Variants in NFKB1 observed in about 807,000 individuals in gnomAD.
The protein encoded by NFKB1 is nuclear factor NF-kappa-B p105 subunit.
A neutral mutation model predicts 105.1 loss-of-function variants in NFKB1; 9 were observed. The observed-to-expected ratio is 0.09, with a 90% CI of 0.05 to 0.15. The LOEUF (loss-of-function observed/expected upper bound fraction) is 0.15, where lower values mean the gene tolerates loss of function less well. NFKB1 is among the 10% of genes least tolerant of loss of function. NFKB1 has a pLI of 1.00. For synonymous variants in NFKB1, 440 were observed against 442.2 expected, an observed-to-expected ratio of 1.00 and a Z score of 0.06; for missense variants, 830 against 1,203.7, an observed-to-expected ratio of 0.69 and a Z score of 4.59.
chr4:102,602,605 G>T (rs1323537872), intron 16 of NFKB1, among the ~76,000 whole-genome samples: 1 of 151,874 alleles, frequency 6.6e-6, no homozygotes, highest in Non-Finnish European at 1.5e-5. Context: ...TTTACATGTG[G>T]CTCTTAATAG....
intron 5 of NFKB1, among the ~76,000 whole-genome samples, chr4:102,556,667 G>T (rs1346607311): frequency 2.6e-5 from 4 of 152,174 alleles, no homozygotes; most frequent in Non-Finnish European, 2.9e-5. Flanking sequence ...AAGGGCCTCA[G>T]ATTAAGTGGT....
At chr4:102,525,838 A>G (rs567421108) in intron 2 of NFKB1, among the ~76,000 whole-genome samples, 2 of 152,244 alleles carry the variant, frequency 1.3e-5, no homozygotes, top group South Asian at 4.1e-4. Flanking sequence ...ATCACCACAA[A>G]CCTGATGGCT....
intron 5 of NFKB1, among the ~76,000 whole-genome samples, chr4:102,558,641 C>T (rs1430729911): frequency 6.6e-6 from 1 of 152,030 alleles, no homozygotes; most frequent in African/African-American, 2.4e-5. Flanking sequence ...AAATCAATAT[C>T]CTCACTGTTT....
intron 6 of NFKB1, among the ~76,000 whole-genome samples, chr4:102,576,019 G>C (rs1358688652): frequency 3.3e-5 from 5 of 152,134 alleles, no homozygotes; most frequent in Admixed American, 6.5e-5. Flanking sequence ...TTATTGAATA[G>C]ACTTCTTTGT....
chr4:102,614,396 C>G (rs1203828467), intron 23 of NFKB1, among the ~76,000 whole-genome samples: 1 of 152,172 alleles, frequency 6.6e-6, no homozygotes, highest in Admixed American at 6.5e-5. Flanking sequence ...GACTAGGTCA[C>G]CTAGCAAGCA....
At chr4:102,526,170 G>A (rs926555790) in intron 2 of NFKB1, among the ~76,000 whole-genome samples, 4 of 152,018 alleles carry the variant, frequency 2.6e-5, no homozygotes, top group East Asian at 1.9e-4. Context: ...TTATATCTGC[G>A]AAGACCCTAT....
intron 6 of NFKB1, among the ~76,000 whole-genome samples, chr4:102,570,602 G>C (rs1470011448): frequency 6.6e-6 from 1 of 152,014 alleles, no homozygotes; most frequent in Non-Finnish European, 1.5e-5. Flanking sequence ...TGGGTCAAAT[G>C]GTAGTTCTAT....
In NFKB1 at chr4:102,582,977, T is replaced by A; in HGVS notation, c.927+20T>A. 1 of 1,487,892 alleles carries A rather than the reference T, an allele frequency of 6.7e-7. No individual in the cohort carries two copies. The highest frequency in any genetic ancestry group is 9.3e-7 in the Non-Finnish European group (1 of 1,073,908). The allele number at this position is 1,487,892 out of a possible 1,614,324, so 92.2% of individuals were successfully genotyped here. A position where few individuals can be genotyped will look rare whatever the true frequency, so the allele number is the denominator to read the frequency against. ...AGACAAGTAAGTGATTTATTATTATTATTAATCCTTATTATTTTTAGAGAT... is the reference window on the plus strand; with the variant it reads ...AGACAAGTAAGTGATTTATTATTATAATTAATCCTTATTATTTTTAGAGAT... On this transcript the variant is annotated intron_variant, in intron 10 of 23. Transcript: ENST00000226574.
At chr4:102,540,985 C>T (rs542730727) in intron 5 of NFKB1, among the ~76,000 whole-genome samples, 13 of 152,266 alleles carry the variant, frequency 8.5e-5, no homozygotes, top group African/African-American at 3.1e-4. Flanking sequence ...TTACTAAGCA[C>T]CTGCTCGGCG....
At chr4:102,503,641 T>G (rs1374488906) in intron 1 of NFKB1, among the ~76,000 whole-genome samples, 4 of 152,154 alleles carry the variant, frequency 2.6e-5, no homozygotes, top group Non-Finnish European at 5.9e-5. Flanking sequence ...GGGGTATACA[T>G]ACAAAAATAG....
At chr4:102,612,364 G>A in intron 21 of NFKB1, 70 bp from the exon 22 acceptor site, 2 of 1,501,116 alleles carry the variant, frequency 1.3e-6, no homozygotes, top group South Asian at 1.2e-5. Flanking sequence ...AAGCCAGGCA[G>A]CAATGATCAG....
chr4:102,607,622 C>T (rs373225107), intron 18 of NFKB1, 27 bp from the exon 19 acceptor site: 14 of 1,608,044 alleles, frequency 8.7e-6, no homozygotes, highest in African/African-American at 4.0e-5. Context: ...CTTCCACTAA[C>T]GCTTTCTTGT....
At position 102,556,395 on chromosome 4, in the gene NFKB1, G is replaced by A. The variant is rs563778253; in HGVS notation, c.259-10592G>A. Among the ~76,000 whole-genome samples, 10 of 152,274 alleles carry A rather than the reference G, an allele frequency of 6.6e-5. No individual in the cohort carries two copies. In the East Asian group the frequency reaches 1.5e-3, roughly 23 times the overall value. ...ATAAGAATGTCAAGGGAGTGATCAC[G>A]ATAAAGGTGAGAAATGGACTGAGCA... On this transcript the variant is annotated intron_variant, in intron 5 of 23. Coordinates refer to ENST00000226574, the MANE Select transcript of NFKB1 (RefSeq NM_003998.4).
chr4:102,577,115 A>C, intron 7 of NFKB1, 76 bp downstream of exon 7: 1 of 1,451,172 alleles, frequency 6.9e-7, no homozygotes, highest in South Asian at 1.4e-5. Flanking sequence ...TTATATGTTC[A>C]TCTGCATCCC....
At chr4:102,556,296 AAAG>A (rs1251836387) in intron 5 of NFKB1, among the ~76,000 whole-genome samples, 1 of 152,194 alleles carries the variant, frequency 6.6e-6, no homozygotes, top group Non-Finnish European at 1.5e-5. Flanking sequence ...ACATGCTTAA[AAAG>A]AAGATGAGAA....
chr4:102,537,210 T>C (rs1741700608), intron 4 of NFKB1, among the ~76,000 whole-genome samples: 1 of 152,174 alleles, frequency 6.6e-6, no homozygotes, highest in Admixed American at 6.6e-5. Context: ...GGTTAGATAG[T>C]ATTTAAGGGA....
chr4:102,502,612 T>C (rs1739163866), intron 1 of NFKB1, among the ~76,000 whole-genome samples: 3 of 152,250 alleles, frequency 2.0e-5, no homozygotes, highest in Middle Eastern at 3.4e-3. Flanking sequence ...ACAAGGCCTA[T>C]CCTAAATGCA....
Position 102,563,022 on chromosome 4 carries a change from T to C in NFKB1, c.259-3965T>C, listed in dbSNP as rs144059460. ...GGCTGAATTTACCCAAAGAGCAAAG[T>C]GGACATTTCAAATCCTGATTCCTAG... On this transcript the variant is annotated intron_variant, in intron 5 of 23. Transcript: ENST00000226574. 5.5e-4 allele frequency among the ~76,000 whole-genome samples: 84 copies of C among 152,328 alleles called. No homozygotes were observed. The East Asian group carries it at 0.015, about 28-fold the overall frequency.
chr4:102,502,546 C>G (rs1359983891), intron 1 of NFKB1, among the ~76,000 whole-genome samples: 1 of 152,156 alleles, frequency 6.6e-6, no homozygotes, highest in Non-Finnish European at 1.5e-5. Context: ...ATGTAAAACT[C>G]TTGGACAGTG....
Sources: allele counts gnomAD v4.1 joint callset (sites outside exome capture counted in the v4.1 genomes callset), GRCh38; gene constraint gnomAD v4.1.1; transcripts MANE v1.5; gene names NCBI Gene and HGNC (gene_info 2026-07-23, HGNC 2026-07-21).